LINGO2: variants seen among roughly 807,000 people sequenced by gnomAD.
The protein encoded by LINGO2 is leucine-rich repeat and immunoglobulin-like domain-containing nogo receptor-interacting protein 2.
LINGO2 carries 14 observed loss-of-function variants against 30.6 expected under a neutral mutation model. The ratio of observed to expected loss-of-function variants is 0.46; its 90% CI spans 0.30 to 0.72. The LOEUF (loss-of-function observed/expected upper bound fraction) is 0.72. LINGO2 is among the 30% of genes least tolerant of loss of function. The pLI, the probability that LINGO2 is intolerant of heterozygous loss-of-function variation, is 0.07. For missense variants in LINGO2, 729 were observed against 751.7 expected (o/e 0.97, Z 0.35); for synonymous variants, 317 against 288.5 (o/e 1.10, Z -1.00).
chr9:29,096,273 ATTCT>A, the LINGO2 span, among the ~76,000 whole-genome samples: 2 of 138,626 alleles, frequency 1.4e-5, no homozygotes, highest in African/African-American at 2.7e-5. Context: ...TGGTGTCTAC[ATTCT>A]TTCTTTATTT....
chr9:28,030,772 T>TA lies in LINGO2; in HGVS notation c.-86-18368dup, dbSNP rs76433207. On this transcript the variant is annotated intron_variant, in intron 4 of 5. Transcript: ENST00000379992. ...ATCAACAGCACACTACATTGTAGCT[T>TA]AAGGTGGTACAATTAAGGGCAAAAA... Among the ~76,000 whole-genome samples the TA allele has an allele frequency of 0.011, 1,610 of 152,210 alleles. 146 individuals carry two copies. The East Asian group carries it at 0.23, about 22-fold the overall frequency.
chr9:28,274,065 A>G (rs1426891130), intron 4 of LINGO2, among the ~76,000 whole-genome samples: 1 of 152,192 alleles, frequency 6.6e-6, no homozygotes, highest in African/African-American at 2.4e-5. Flanking sequence ...GATATATTTG[A>G]GAGCTAAAAT....
At chr9:28,988,826 C>T in the LINGO2 span, among the ~76,000 whole-genome samples, 100 of 152,154 alleles carry the variant, frequency 6.6e-4, no homozygotes, top group Non-Finnish European at 1.1e-3. Flanking sequence ...TGACACCATT[C>T]TTCTAACTTT....
the LINGO2 span, among the ~76,000 whole-genome samples, chr9:28,983,895 T>C: frequency 6.6e-6 from 1 of 152,036 alleles, no homozygotes; most frequent in Non-Finnish European, 1.5e-5. Flanking sequence ...TACACTGATA[T>C]ACCTTGCTCC....
the LINGO2 span, among the ~76,000 whole-genome samples, chr9:29,108,137 C>T: frequency 1.5e-4 from 23 of 152,274 alleles, no homozygotes; most frequent in Non-Finnish European, 2.8e-4. Flanking sequence ...GTCACTGCTG[C>T]AACAGCCACA....
the LINGO2 span, among the ~76,000 whole-genome samples, chr9:29,111,536 C>A: frequency 6.6e-6 from 1 of 151,738 alleles, no homozygotes; most frequent in Non-Finnish European, 1.5e-5. Context: ...ATTCAGAAAG[C>A]ATAATTTTAT....
At chr9:28,568,037 T>C (rs561877139) in intron 1 of LINGO2, among the ~76,000 whole-genome samples, 6 of 151,868 alleles carry the variant, frequency 4.0e-5, no homozygotes, top group East Asian at 1.9e-4. Flanking sequence ...TGAAAACAAA[T>C]AGCAGGGAAC....
chr9:28,494,999 G>C (rs1429966171), intron 1 of LINGO2, among the ~76,000 whole-genome samples: 1 of 152,122 alleles, frequency 6.6e-6, no homozygotes, highest in South Asian at 2.1e-4. Context: ...TGTGTCTGTT[G>C]GCTGCATAAA....
chr9:28,258,827 A>C (rs1822467625), intron 4 of LINGO2, among the ~76,000 whole-genome samples: 1 of 151,894 alleles, frequency 6.6e-6, no homozygotes, highest in Non-Finnish European at 1.5e-5. Flanking sequence ...TGTATAAGTC[A>C]TATCCAAGAG....
chr9:29,151,158 C>A, the LINGO2 span, among the ~76,000 whole-genome samples: 1 of 151,666 alleles, frequency 6.6e-6, no homozygotes, highest in African/African-American at 2.4e-5. Flanking sequence ...TCATATCATG[C>A]CAAACTAAGC....
the LINGO2 span, among the ~76,000 whole-genome samples, chr9:29,155,919 A>G: frequency 6.6e-6 from 1 of 152,036 alleles, no homozygotes; most frequent in Non-Finnish European, 1.5e-5. Context: ...AAAAACACCC[A>G]CCTTCATTAA....
intron 5 of LINGO2, among the ~76,000 whole-genome samples, chr9:27,960,111 GAT>G (rs1453438806): frequency 6.6e-6 from 1 of 151,988 alleles, no homozygotes. Context: ...CAGAAAATAA[GAT>G]ATTCAAATAT....
intron 2 of LINGO2, among the ~76,000 whole-genome samples, chr9:28,464,982 G>GT (rs1171042088): frequency 2.6e-5 from 4 of 152,222 alleles, no homozygotes; most frequent in African/African-American, 9.6e-5. Flanking sequence ...AGGTGAGAAG[G>GT]TGCAGGAGCA....
In LINGO2 at chr9:28,147,713, G is replaced by A. The variant is rs1413412484; in HGVS notation, c.-86-135308C>T. ...AGCCCCACGGGGGGGCCCGTCCAGG[G>A]CCACACAACTGCCCCCAGGAGCAGG... On this transcript the variant is annotated intron_variant, in intron 4 of 5. Coordinates refer to ENST00000379992, the Ensembl canonical transcript of LINGO2. The surrounding 1 kb of genome is among the most constrained non-coding windows in gnomAD (Gnocchi z 4.7). Among the ~76,000 whole-genome samples the A allele has an allele frequency of 1.3e-5, 2 of 152,160 alleles. No homozygotes were observed. The highest frequency in any genetic ancestry group is 2.9e-5 in the Non-Finnish European group (2 of 68,022).
At chr9:28,988,148 T>C in the LINGO2 span, among the ~76,000 whole-genome samples, 4 of 152,226 alleles carry the variant, frequency 2.6e-5, no homozygotes, top group African/African-American at 4.8e-5. Flanking sequence ...CCTATTATCA[T>C]TGCAATATAG....
chr9:28,038,328 T>C (rs1403945875), intron 4 of LINGO2, among the ~76,000 whole-genome samples: 2 of 152,168 alleles, frequency 1.3e-5, no homozygotes, highest in Non-Finnish European at 1.5e-5. Flanking sequence ...ACTAAGTATC[T>C]GAAGTATTGG....
chr9:28,137,237 T>C lies in LINGO2; in HGVS notation c.-86-124832A>G, dbSNP rs1204952950. On this transcript the variant is annotated intron_variant, in intron 4 of 5. Transcript: ENST00000379992. ...CACACACACACACACAAATTGGTTT[T>C]CTCTAGAGAACCCTGGCAAATATAT... Among the ~76,000 whole-genome samples, 4 of 150,892 alleles carry C rather than the reference T, an allele frequency of 2.7e-5. 1 individual carries two copies. In the Admixed American group the frequency reaches 2.7e-4, roughly 10 times the overall value.
intron 4 of LINGO2, among the ~76,000 whole-genome samples, chr9:28,096,475 T>C (rs986084466): frequency 6.6e-6 from 1 of 152,204 alleles, no homozygotes; most frequent in Non-Finnish European, 1.5e-5. Flanking sequence ...AAATTACTTA[T>C]GTCACTTCTT....
At chr9:29,039,103 A>G in the LINGO2 span, among the ~76,000 whole-genome samples, 1 of 152,156 alleles carries the variant, frequency 6.6e-6, no homozygotes, top group Non-Finnish European at 1.5e-5. Flanking sequence ...CGGCAAATTC[A>G]TACTGCTTCA....
Sources: gnomAD v4.1 joint callset for allele counts (sites outside exome capture counted in the v4.1 genomes callset) on GRCh38, gnomAD v4.1.1 for gene constraint, Gnocchi (gnomAD v3.1) non-coding constraint, MANE v1.5 for transcripts, NCBI Gene and HGNC (gene_info 2026-07-23, HGNC 2026-07-21) for gene names.